KL: variants seen among roughly 807,000 people sequenced by gnomAD.
KL encodes klotho, also known as alpha-klotho.
KL carries 62 observed loss-of-function variants against 84.2 expected under a neutral mutation model. That is an observed-to-expected ratio of 0.74 (90% CI 0.60 to 0.91). KL has a LOEUF of 0.91. Among genes scored for constraint, KL ranks in the 40% least tolerant of loss-of-function variants. KL has a pLI of 0.00. For synonymous variants in KL, 528 were observed against 528.0 expected (o/e 1.00, Z 0.00); for missense variants, 1,261 against 1,305.7 (o/e 0.97, Z 0.53).
chr13:33,030,233 G>T (rs1870928749), intron 1 of KL, among the ~76,000 whole-genome samples: 1 of 152,048 alleles, frequency 6.6e-6, no homozygotes, highest in Non-Finnish European at 1.5e-5. Context: ...TATTACAATG[G>T]CAATTAAATT....
In KL at chr13:33,064,492, G is replaced by A; in HGVS notation, c.*306G>A. On this transcript the variant is annotated 3_prime_UTR_variant, in exon 5 of 5. Transcript: ENST00000380099. ...ACCACACCAATGCAACATTTGTGCA[G>A]AAATTTGAATGACAAGATTAGGAAT... The A allele has an allele frequency of 3.3e-6, 1 of 300,294 alleles. No individual in the cohort carries two copies. 18.6% of individuals were successfully genotyped at this position (300,294 alleles called of 1,614,324 possible). A position where few individuals can be genotyped will look rare whatever the true frequency, so the allele number is the denominator to read the frequency against.
chr13:33,054,312 A>C (rs1269143339), intron 2 of KL, 35 bp downstream of exon 2: 12 of 1,598,474 alleles, frequency 7.5e-6, no homozygotes, highest in Non-Finnish European at 9.4e-6. Flanking sequence ...TTTCCTGCCA[A>C]AATCTTCTGG....
intron 1 of KL, among the ~76,000 whole-genome samples, chr13:33,035,193 T>G (rs1871113261): frequency 6.6e-6 from 1 of 152,220 alleles, no homozygotes; most frequent in South Asian, 2.1e-4. Context: ...GTAGAAATCC[T>G]CACACACTCA....
rs964445350 is a variant in KL, at chr13:33,061,745, A to T, written c.2666A>T (p.Tyr889Phe). 1.9e-6 allele frequency: 3 copies of T among 1,614,082 alleles called. No individual in the cohort carries two copies. The highest frequency in any genetic ancestry group is 2.5e-6 in the Non-Finnish European group (3 of 1,180,022). The change falls in exon 4 of 5, where the codon TAT (tyrosine) becomes TTT (phenylalanine). Residue 889 changes from tyrosine to phenylalanine, a missense_variant. Tyr to Phe is a conservative substitution (Grantham distance 22). Transcript: ENST00000380099. ...GCTGAGGACGACCAGCTGAGGGTGT[A>T]TTATATGCAGAATTACATAAACGAA... ...LHAEDDQLRV[Y>F]YMQNYINEAL...
chr13:33,039,237 G>A (rs1411852749), intron 1 of KL, among the ~76,000 whole-genome samples: 2 of 152,078 alleles, frequency 1.3e-5, no homozygotes, highest in African/African-American at 4.8e-5. Context: ...ATCATTTGTT[G>A]CTAATAATTT....
At chr13:33,049,822 A>G (rs1871677255) in intron 1 of KL, among the ~76,000 whole-genome samples, 1 of 152,108 alleles carries the variant, frequency 6.6e-6, no homozygotes, top group Non-Finnish European at 1.5e-5. Context: ...TTTGAATTTT[A>G]TTTTTTTAAT....
chr13:33,032,447 C>G (rs932588213), intron 1 of KL, among the ~76,000 whole-genome samples: 1 of 152,154 alleles, frequency 6.6e-6, no homozygotes, highest in Non-Finnish European at 1.5e-5. Context: ...CGCGGTTGAG[C>G]CTGGCTGTGG....
intron 1 of KL, among the ~76,000 whole-genome samples, chr13:33,027,487 G>C (rs1352705384): frequency 6.6e-6 from 1 of 152,192 alleles, no homozygotes; most frequent in Non-Finnish European, 1.5e-5. Context: ...TAGGCCTGCT[G>C]CTAAGTTTCT....
At chr13:33,028,357 C>A (rs1870851880) in intron 1 of KL, among the ~76,000 whole-genome samples, 1 of 152,204 alleles carries the variant, frequency 6.6e-6, no homozygotes, top group African/African-American at 2.4e-5. Flanking sequence ...TGATACTTAT[C>A]TAAACTGTCA....
intron 1 of KL, among the ~76,000 whole-genome samples, chr13:33,046,936 C>T (rs11840745): frequency 0.015 from 2,220 of 152,152 alleles, 61 homozygotes; most frequent in African/African-American, 0.05. Flanking sequence ...ACAATTTCCA[C>T]GTATTTGTGA....
At position 33,064,342 on chromosome 13, in the gene KL, C is replaced by T. The variant is rs1341759817; in HGVS notation, c.*156C>T. 17 of 608,278 alleles carry T rather than the reference C, an allele frequency of 2.8e-5. No homozygotes were observed. The East Asian group carries it at 4.8e-4, about 17-fold the overall frequency. The allele number at this position is 608,278 out of a possible 1,614,324, so 37.7% of individuals were successfully genotyped here. A position where few individuals can be genotyped will look rare whatever the true frequency, so the allele number is the denominator to read the frequency against. On this transcript the variant is annotated 3_prime_UTR_variant, in exon 5 of 5. Transcript: ENST00000380099. ...CTTATGACAGAGGTTTTGAAATGGG[C>T]ATAGGTGATCGTAAAATATTGAATA...
Position 33,063,832 on chromosome 13 carries a change from T to C in KL, c.2702-17T>C, listed in dbSNP as rs1241134351. The C allele has an allele frequency of 2.7e-5, 43 of 1,606,794 alleles. No individual in the cohort carries two copies. The highest frequency in any genetic ancestry group is 3.5e-5 in the Non-Finnish European group (41 of 1,173,584). On this transcript the variant is annotated splice_polypyrimidine_tract_variant and intron_variant, in intron 4 of 4. Transcript: ENST00000380099. ...AAAATACGTAATAACTACTCTCCTATCCTTTTGTTTTTCCAGCCCACATAC... is the reference window on the plus strand; with the variant it reads ...AAAATACGTAATAACTACTCTCCTACCCTTTTGTTTTTCCAGCCCACATAC...
chr13:33,016,861 G>T lies in KL; in HGVS notation c.421G>T (p.Glu141Ter). 1 of 1,612,764 alleles carries T rather than the reference G, an allele frequency of 6.2e-7. No individual in the cohort carries two copies. Among genetic ancestry groups the T allele is most frequent in the Non-Finnish European group, 8.5e-7 (1 of 1,179,820 alleles). The change falls in exon 1 of 5, where the codon GAG becomes TAG. Residue 141 changes from glutamate to a stop codon, truncating the protein, a stop_gained. Transcript: ENST00000380099. LOFTEE classifies it high-confidence loss of function. ...NVFRDTEALR[E>*]LGVTHYRFSI... ...CTTCCGCGACACGGAGGCGCTGCGC[G>T]AGCTCGGGGTCACTCACTACCGCTT...
intron 1 of KL, among the ~76,000 whole-genome samples, chr13:33,024,591 C>T (rs1006310631): frequency 7.2e-5 from 11 of 152,188 alleles, no homozygotes; most frequent in Admixed American, 3.3e-4. Context: ...GTCCAGAGGA[C>T]GGCTGCAAAG....
At chr13:33,057,579 A>C (rs554683254) in intron 3 of KL, among the ~76,000 whole-genome samples, 1 of 151,998 alleles carries the variant, frequency 6.6e-6, no homozygotes, top group Admixed American at 6.5e-5. Context: ...TTTTTTCCTC[A>C]TCAGCTTGGG....
chr13:33,047,649 A>G (rs1016090207), intron 1 of KL, among the ~76,000 whole-genome samples: 2 of 152,216 alleles, frequency 1.3e-5, no homozygotes, highest in Non-Finnish European at 2.9e-5. Context: ...CTTTCATAGC[A>G]TCTGTCTTGT....
intron 1 of KL, among the ~76,000 whole-genome samples, chr13:33,036,158 G>A (rs1490113729): frequency 1.3e-5 from 2 of 152,072 alleles, no homozygotes; most frequent in Admixed American, 6.6e-5. Context: ...TTTGTATTAA[G>A]GAACTCTATA....
Position 33,017,236 on chromosome 13 carries a change from C to G in KL, c.796C>G (p.Leu266Val). The G allele has an allele frequency of 1.9e-6, 3 of 1,583,906 alleles. No individual in the cohort carries two copies. The highest frequency in any genetic ancestry group is 2.6e-6 in the Non-Finnish European group (3 of 1,172,072). ...GIRGSPRLGY[L>V]VAHNLLLAHA... is the part of the protein sequence containing the mutation. ...CCGGGGCAGCCCGCGGCTCGGGTAC[C>G]TGGTGGCGCACAACCTCCTCCTGGT... Residue 266 changes from leucine (L) to valine (V), a missense_variant, in exon 1 of 5, where the codon CTG becomes GTG. Coordinates refer to ENST00000380099, the MANE Select transcript of KL (RefSeq NM_004795.4).
chr13:33,029,126 T>G (rs1370034306), intron 1 of KL, among the ~76,000 whole-genome samples: 1 of 152,234 alleles, frequency 6.6e-6, no homozygotes, highest in Non-Finnish European at 1.5e-5. Context: ...ACATAAATAT[T>G]TTTTCTATCA....
Sources: gnomAD v4.1 joint callset for allele counts (sites outside exome capture counted in the v4.1 genomes callset) on GRCh38, gnomAD v4.1.1 for gene constraint, MANE v1.5 for transcripts, NCBI Gene and HGNC (gene_info 2026-07-23, HGNC 2026-07-21) for gene names.